The following FAM117A variants were observed in gnomAD, a reference collection of about 807,000 sequenced individuals.
FAM117A encodes family with sequence similarity 117 member A.
In FAM117A, 21 loss-of-function variants were observed where a neutral mutation model predicts 44.1. The observed-to-expected ratio is 0.48, with a 90% CI of 0.34 to 0.69. The LOEUF is 0.69. Among genes scored for constraint, FAM117A ranks in the 30% least tolerant of loss-of-function variants. The pLI, the probability that FAM117A is intolerant of heterozygous loss-of-function variation, is 0.01. For missense variants in FAM117A, 498 were observed against 589.9 expected (o/e 0.84, Z 1.61); for synonymous variants, 220 against 238.3 (o/e 0.92, Z 0.71).
chr17:49,762,017 C>T (rs1392956385), intron 1 of FAM117A, among the ~76,000 whole-genome samples: 1 of 152,194 alleles, frequency 6.6e-6, no homozygotes, highest in East Asian at 1.9e-4. Flanking sequence ...ATGCAGAGCT[C>T]TAGCTTCCTA....
Position 49,763,981 on chromosome 17 carries a change from G to A in FAM117A, c.107C>T (p.Ser36Phe), listed in dbSNP as rs952403057. ...RGCSPPAPAG[S>F]PRAGLQPLRA... ...GAGCGGCTGCAGCCCAGCCCGGGGG[G>A]AGCCGGCGGGGGCTGGGGGAGAGCA... Residue 36 changes from serine (S) to phenylalanine (F), a missense_variant, in exon 1 of 8, where the codon TCC (serine) becomes TTC (phenylalanine). Ser to Phe is a radical substitution (Grantham distance 155). Transcript: ENST00000240364. The A allele has an allele frequency of 2.4e-6, 3 of 1,226,376 alleles. No individual in the cohort carries two copies. Among genetic ancestry groups the A allele is most frequent in the Non-Finnish European group, 2.0e-6 (2 of 984,132 alleles). 76.0% of individuals were successfully genotyped at this position (1,226,376 alleles called of 1,614,324 possible). A position where few individuals can be genotyped will look rare whatever the true frequency, so the allele number is the denominator to read the frequency against.
intron 1 of FAM117A, among the ~76,000 whole-genome samples, chr17:49,738,912 A>G (rs1379892296): frequency 6.6e-6 from 1 of 152,212 alleles, no homozygotes; most frequent in Non-Finnish European, 1.5e-5. Flanking sequence ...AAAATTGGTT[A>G]AGGGCTAAAC....
intron 1 of FAM117A, among the ~76,000 whole-genome samples, chr17:49,741,499 A>G (rs1195593019): frequency 2.6e-5 from 4 of 152,198 alleles, no homozygotes; most frequent in Non-Finnish European, 5.9e-5. Flanking sequence ...AGGTCATATT[A>G]TACATGCTTT....
intron 1 of FAM117A, among the ~76,000 whole-genome samples, chr17:49,758,306 G>A (rs2073706889): frequency 6.6e-6 from 1 of 151,200 alleles, no homozygotes; most frequent in Non-Finnish European, 1.5e-5. Flanking sequence ...ACTCCAGCCT[G>A]GGTGACAGAG....
chr17:49,718,602 C>T (rs983217710), intron 5 of FAM117A, among the ~76,000 whole-genome samples: 1 of 150,938 alleles, frequency 6.6e-6, no homozygotes, highest in Non-Finnish European at 1.5e-5. Context: ...ACCCAGGAGG[C>T]GGAGCTTACA....
intron 1 of FAM117A, among the ~76,000 whole-genome samples, chr17:49,733,517 A>G (rs1778929366): frequency 6.6e-6 from 1 of 151,988 alleles, no homozygotes; most frequent in South Asian, 2.1e-4. Context: ...TACTAAAAAT[A>G]CAAAAATTAG....
At chr17:49,720,171 A>G (rs766659753) in intron 4 of FAM117A, 155 bp downstream of exon 4, 5 of 688,912 alleles carry the variant, frequency 7.3e-6, no homozygotes, top group South Asian at 1.9e-5. Context: ...AGCCCTTCCA[A>G]TATCACACAG....
chr17:49,753,280 G>C (rs1373168466), intron 1 of FAM117A, among the ~76,000 whole-genome samples: 1 of 152,228 alleles, frequency 6.6e-6, no homozygotes, highest in Non-Finnish European at 1.5e-5. Flanking sequence ...ATGCCAGCCT[G>C]AGACAAAATT....
chr17:49,788,930 G>T, upstream of FAM117A: 1 of 1,331,216 alleles, frequency 7.5e-7, no homozygotes, highest in Non-Finnish European at 1.0e-6. Flanking sequence ...ACGCCTCACA[G>T]TGCTTGGGTC....
At chr17:49,759,506 T>C (rs1182037195) in intron 1 of FAM117A, among the ~76,000 whole-genome samples, 2 of 152,244 alleles carry the variant, frequency 1.3e-5, no homozygotes, top group African/African-American at 4.8e-5. Context: ...AGGGGAATTG[T>C]AGCTCTTAAA....
chr17:49,716,771 T>C (rs2073505703), intron 6 of FAM117A, among the ~76,000 whole-genome samples: 1 of 152,200 alleles, frequency 6.6e-6, no homozygotes. Flanking sequence ...TCAACCCCAC[T>C]TGTAGGATAA....
At chr17:49,788,162 T>G (rs1408038342) in intron 1 of FAM117A, among the ~76,000 whole-genome samples, 2 of 152,246 alleles carry the variant, frequency 1.3e-5, no homozygotes, top group African/African-American at 2.4e-5. Flanking sequence ...ACAGGAAACT[T>G]GATGGCGGAC....
At chr17:49,783,854 C>A (rs2073797363) in intron 1 of FAM117A, among the ~76,000 whole-genome samples, 1 of 152,178 alleles carries the variant, frequency 6.6e-6, no homozygotes, top group Non-Finnish European at 1.5e-5. Context: ...AGACTGCACA[C>A]AGAGGAAATG....
intron 3 of FAM117A, 35 bp downstream of exon 3, chr17:49,722,464 G>A (rs759577057): frequency 8.3e-6 from 13 of 1,572,570 alleles, no homozygotes; most frequent in East Asian, 2.3e-5. Flanking sequence ...AGAAGAAGCC[G>A]CTACCCTAGG....
intron 1 of FAM117A, among the ~76,000 whole-genome samples, chr17:49,758,198 G>A (rs1377377912): frequency 6.6e-6 from 1 of 151,958 alleles, no homozygotes; most frequent in Non-Finnish European, 1.5e-5. Flanking sequence ...TGGGCATGGT[G>A]GTGCGTGCCT....
At chr17:49,773,066 G>A (rs1318736750) in intron 1 of FAM117A, among the ~76,000 whole-genome samples, 1 of 152,192 alleles carries the variant, frequency 6.6e-6, no homozygotes, top group Non-Finnish European at 1.5e-5. Flanking sequence ...AGCACTTTGG[G>A]AGGCTGAGGC....
chr17:49,757,842 C>T (rs1030679359), intron 1 of FAM117A, among the ~76,000 whole-genome samples: 3 of 152,082 alleles, frequency 2.0e-5, no homozygotes, highest in Non-Finnish European at 4.4e-5. Flanking sequence ...GATTTCCCAC[C>T]CATCCTTTCT....
At chr17:49,751,045 C>T (rs546001067) in intron 1 of FAM117A, among the ~76,000 whole-genome samples, 18 of 152,060 alleles carry the variant, frequency 1.2e-4, no homozygotes, top group South Asian at 1.0e-3. Context: ...TTTGGGGGGC[C>T]GAGGCAGGCG....
At chr17:49,782,401 A>G (rs2073792289) in intron 1 of FAM117A, among the ~76,000 whole-genome samples, 1 of 147,668 alleles carries the variant, frequency 6.8e-6, no homozygotes, top group Admixed American at 6.7e-5. Context: ...AAAAAAAAAA[A>G]GCTTTGTGCC....
Sources: allele counts gnomAD v4.1 joint callset (sites outside exome capture counted in the v4.1 genomes callset), GRCh38; gene constraint gnomAD v4.1.1; transcripts MANE v1.5; gene names NCBI Gene and HGNC (gene_info 2026-07-23, HGNC 2026-07-21).